The following RGR variants were observed in gnomAD, a reference collection of about 807,000 sequenced individuals.
The protein encoded by RGR is retinal G protein coupled receptor.
In RGR, 30 loss-of-function variants were observed where a neutral mutation model predicts 28.6. The ratio of observed to expected loss-of-function variants is 1.05; its 90% confidence interval spans 0.78 to 1.42. The LOEUF (loss-of-function observed/expected upper bound fraction) is 1.42. Among genes scored for constraint, RGR ranks in the 40% most tolerant of loss-of-function variants. RGR has a pLI of 0.00. For synonymous variants in RGR, 180 were observed against 156.4 expected (o/e 1.15, Z -1.13); for missense variants, 404 against 375.6 (o/e 1.08, Z -0.62).
Position 84,258,726 on chromosome 10 carries a change from C to G in RGR, c.*87C>G, listed in dbSNP as rs1312355552. On this transcript the variant is annotated 3_prime_UTR_variant, in exon 7 of 7. Coordinates refer to ENST00000652092, the MANE Select transcript of RGR (RefSeq NM_001012720.2). ...CTCAGTGGCCAAGCCCAGACACTCA[C>G]CCACCTTCCCCAGTGGCCCCGTGGA... 6.3e-6 allele frequency: 10 copies of G among 1,579,712 alleles called. No homozygotes were observed. Among genetic ancestry groups the G allele is most frequent in the Middle Eastern group, 1.9e-4 (1 of 5,182 alleles).
chr10:84,251,581 A>G (rs1842819274), intron 3 of RGR, among the ~76,000 whole-genome samples: 1 of 152,136 alleles, frequency 6.6e-6, no homozygotes, highest in Admixed American at 6.5e-5. Context: ...GTCTCACTCT[A>G]TTGCCCAGGC....
At chr10:84,248,845 C>G (rs1393429682) in intron 2 of RGR, 77 bp from the exon 3 acceptor site, 1 of 1,612,700 alleles carries the variant, frequency 6.2e-7, no homozygotes, top group East Asian at 2.2e-5. Context: ...GGAACACACA[C>G]TCCAAGCTGT....
intron 1 of RGR, among the ~76,000 whole-genome samples, chr10:84,245,465 T>C (rs1842736296): frequency 6.6e-6 from 1 of 152,256 alleles, no homozygotes; most frequent in South Asian, 2.1e-4. Flanking sequence ...TTTAGGACTT[T>C]TCATGTCCCT....
At chr10:84,252,763 AG>A in intron 3 of RGR, 93 bp from the exon 4 acceptor site, 1 of 1,500,698 alleles carries the variant, frequency 6.7e-7, no homozygotes. Flanking sequence ...GATCACTTGA[AG>A]GGACACTCTT....
At position 84,259,054 on chromosome 10, in the gene RGR, A is replaced by C; in HGVS notation, c.*415A>C. On this transcript the variant is annotated 3_prime_UTR_variant, in exon 7 of 7. Coordinates refer to ENST00000652092, the MANE Select transcript of RGR (RefSeq NM_001012720.2). ...CACCTTGTCACCCTTCTGAGTCTCC[A>C]ATGTCTATTATTCCACACTCCATGT... 1 of 282,560 alleles carries C rather than the reference A, an allele frequency of 3.5e-6. No individual in the cohort carries two copies. The highest frequency in any genetic ancestry group is 7.0e-6 in the Non-Finnish European group (1 of 143,838). The allele number at this position is 282,560 out of a possible 1,614,324, so 17.5% of individuals were successfully genotyped here. A position where few individuals can be genotyped will look rare whatever the true frequency, so the allele number is the denominator to read the frequency against.
intron 5 of RGR, among the ~76,000 whole-genome samples, chr10:84,255,718 C>CTTTT (rs71013305): frequency 7.5e-4 from 77 of 102,784 alleles, no homozygotes; most frequent in Non-Finnish European, 1.2e-3. Flanking sequence ...GGTTTTCTTT[C>CTTTT]TTTTTTTTTT....
At chr10:84,254,474 T>A in intron 5 of RGR, 31 bp downstream of exon 5, 1 of 1,561,118 alleles carries the variant, frequency 6.4e-7, no homozygotes, top group Non-Finnish European at 8.8e-7. Flanking sequence ...TGTTATCTGA[T>A]GGTGCAGCGC....
chr10:84,253,882 T>A (rs1455724298), intron 4 of RGR, among the ~76,000 whole-genome samples: 1 of 152,172 alleles, frequency 6.6e-6, no homozygotes, highest in Non-Finnish European at 1.5e-5. Flanking sequence ...CACCTCCCCA[T>A]GACCACTACC....
rs537252798 is a variant in RGR, at chr10:84,248,685, C to A, written c.237-237C>A. The A allele has an allele frequency of 9.6e-5, 61 of 632,222 alleles. 1 individual carries two copies. The Middle Eastern group carries it at 2.1e-3, about 22-fold the overall frequency. The allele number at this position is 632,222 out of a possible 1,614,324, so 39.2% of individuals were successfully genotyped here. The stretch of plus-strand genomic sequence containing the variant: ...GAGGGATCTGATCACGCAGAGAGAG[C>A]CTATGGCCCAACCATGGTGCAGTCA... On this transcript the variant is annotated intron_variant, in intron 2 of 6. Transcript: ENST00000652092.
chr10:84,257,987 T>C lies in RGR; in HGVS notation c.725T>C (p.Ile242Thr). 6.2e-7 allele frequency: 1 copy of C among 1,614,142 alleles called. No homozygotes were observed. The change falls in exon 6 of 7, where the codon ATC (isoleucine) becomes ACC (threonine). Residue 242 changes from isoleucine (I) to threonine (T), a missense_variant. Coordinates refer to ENST00000652092, the MANE Select transcript of RGR (RefSeq NM_001012720.2). ...LYAVIADVTS[I>T]SPKLQMVPAL... ...GCAGTCATCGCAGACGTGACTTCCA[T>C]CTCCCCCAAACTGCAGATGGTACAG...
intron 5 of RGR, among the ~76,000 whole-genome samples, chr10:84,256,043 C>CT (rs1305353721): frequency 3.4e-3 from 156 of 45,656 alleles, no homozygotes; most frequent in African/African-American, 7.5e-3. Flanking sequence ...TTCTTTGTTT[C>CT]TTTTTTTTTT....
At chr10:84,254,514 G>T in intron 5 of RGR, 71 bp downstream of exon 5, 1 of 1,263,390 alleles carries the variant, frequency 7.9e-7, no homozygotes. Context: ...CCCGAACAAA[G>T]AATTGGATGT....
chr10:84,249,981 A>C (rs997078207), intron 3 of RGR, among the ~76,000 whole-genome samples: 6 of 152,194 alleles, frequency 3.9e-5, no homozygotes, highest in Admixed American at 2.6e-4. Flanking sequence ...TGTTCTTATA[A>C]TTTTAATACA....
chr10:84,249,857 C>T (rs1842793933), intron 3 of RGR, among the ~76,000 whole-genome samples: 1 of 152,188 alleles, frequency 6.6e-6, no homozygotes. Flanking sequence ...TATCAGTGTA[C>T]AAACTGCTCC....
intron 2 of RGR, 180 bp downstream of exon 2, chr10:84,247,927 C>G: frequency 2.2e-6 from 2 of 912,744 alleles, no homozygotes; most frequent in Non-Finnish European, 3.4e-6. Context: ...CAGCTGATTT[C>G]TGGAAGACAG....
chr10:84,253,083 C>T (rs950187112), intron 4 of RGR, 73 bp downstream of exon 4: 4 of 1,523,970 alleles, frequency 2.6e-6, no homozygotes, highest in South Asian at 1.2e-5. Flanking sequence ...GACAAGGGTG[C>T]CCCAGCTGAA....
chr10:84,254,948 C>T (rs1842865024), intron 5 of RGR, among the ~76,000 whole-genome samples: 1 of 152,186 alleles, frequency 6.6e-6, no homozygotes, highest in Admixed American at 6.5e-5. Context: ...CCTAGCTGGC[C>T]ACAGGAGCTT....
chr10:84,250,324 C>G, intron 3 of RGR: 1 of 716,954 alleles, frequency 1.4e-6, no homozygotes, highest in Non-Finnish European at 2.6e-6. Flanking sequence ...ACATGTATAG[C>G]CCCCTTCCCT....
intron 4 of RGR, 86 bp from the exon 5 acceptor site, chr10:84,254,240 T>A (rs1842854106): frequency 8.8e-6 from 10 of 1,139,762 alleles, no homozygotes; most frequent in Non-Finnish European, 1.2e-5. Context: ...CCACAACCGA[T>A]CATCTAGGGC....
Sources: allele counts gnomAD v4.1 joint callset (sites outside exome capture counted in the v4.1 genomes callset), GRCh38; gene constraint gnomAD v4.1.1; transcripts MANE v1.5; gene names NCBI Gene and HGNC (gene_info 2026-07-23, HGNC 2026-07-21).